TACC2: variants seen among roughly 807,000 people sequenced by gnomAD.
The protein encoded by TACC2 is transforming acidic coiled-coil-containing protein 2.
In TACC2, 137 loss-of-function variants were observed where a neutral mutation model predicts 227.3. That is an observed-to-expected ratio of 0.60 (90% CI 0.52 to 0.69). TACC2 has a LOEUF of 0.69. Ranked by LOEUF, TACC2 falls within the 30% of genes least tolerant of loss-of-function variation. The pLI, the probability that TACC2 is intolerant of heterozygous loss-of-function variation, is 0.00. For missense variants in TACC2, 3,470 were observed against 3,694.4 expected, an observed-to-expected ratio of 0.94 and a Z score of 1.57; for synonymous variants, 1,523 against 1,487.5, an observed-to-expected ratio of 1.02 and a Z score of -0.55.
intron 1 of TACC2, among the ~76,000 whole-genome samples, chr10:121,989,703 T>C (rs1443230310): frequency 1.3e-5 from 2 of 152,214 alleles, no homozygotes; most frequent in African/African-American, 4.8e-5. Context: ...CTTTTGCGTC[T>C]TTCAACTTTG....
intron 3 of TACC2, among the ~76,000 whole-genome samples, chr10:122,077,130 A>G (rs920467439): frequency 6.6e-6 from 1 of 151,774 alleles, no homozygotes; most frequent in Non-Finnish European, 1.5e-5. Flanking sequence ...AAAAAAAAAA[A>G]AAAAGAATGT....
At chr10:122,124,530 G>A (rs933972907) in intron 5 of TACC2, among the ~76,000 whole-genome samples, 5 of 152,144 alleles carry the variant, frequency 3.3e-5, no homozygotes, top group East Asian at 3.8e-4. Flanking sequence ...CTGAGGTTCC[G>A]GGGCCCCTGT....
intron 7 of TACC2, chr10:122,163,977 A>C: frequency 6.3e-7 from 1 of 1,585,748 alleles, no homozygotes; most frequent in Non-Finnish European, 8.6e-7. Flanking sequence ...CTGAACCTGG[A>C]GGCTTCCGAG....
chr10:122,205,460 T>C lies in TACC2; in HGVS notation c.5972-4937T>C, dbSNP rs1463502673. Reference sequence around the variant, plus strand: ...GCACTGATGCCTCACGCCTCTGGGGTAAAAACCCCACAGGAACTTGGAGCT... The same window carrying C: ...GCACTGATGCCTCACGCCTCTGGGGCAAAAACCCCACAGGAACTTGGAGCT... On this transcript the variant is annotated intron_variant, in intron 8 of 22. Transcript: ENST00000369005. This position sits in a 1 kb window ranked among gnomAD's most constrained non-coding sequence, Gnocchi z 4.5. 6.6e-6 allele frequency among the ~76,000 whole-genome samples: 1 copy of C among 152,128 alleles called. No homozygotes were observed. The highest frequency in any genetic ancestry group is 1.5e-5 in the Non-Finnish European group (1 of 68,018).
chr10:122,020,101 T>G (rs1000263945), intron 1 of TACC2, among the ~76,000 whole-genome samples: 5 of 152,202 alleles, frequency 3.3e-5, no homozygotes, highest in African/African-American at 1.2e-4. Context: ...TTATTGTATT[T>G]AATTTGGTTA....
At chr10:122,108,215 T>C (rs1329920910) in intron 5 of TACC2, among the ~76,000 whole-genome samples, 1 of 151,934 alleles carries the variant, frequency 6.6e-6, no homozygotes, top group Non-Finnish European at 1.5e-5. Context: ...TATGCCTTTG[T>C]GTCCACATAG....
intron 1 of TACC2, among the ~76,000 whole-genome samples, chr10:121,991,398 G>C (rs887861770): frequency 6.6e-6 from 1 of 152,298 alleles, no homozygotes; most frequent in African/African-American, 2.4e-5. Context: ...GTGATTTTCA[G>C]CAAGGTTGTG....
chr10:122,003,912 T>G (rs551548523), intron 1 of TACC2, among the ~76,000 whole-genome samples: 104 of 151,930 alleles, frequency 6.8e-4, no homozygotes, highest in Middle Eastern at 3.2e-3. Context: ...TGCCTCAGCC[T>G]CCCAAAGTGC....
In TACC2 at chr10:122,086,217, T is replaced by A; in HGVS notation, c.3717T>A (p.His1239Gln). The A allele has an allele frequency of 6.2e-7, 1 of 1,613,856 alleles. No individual in the cohort carries two copies. Among genetic ancestry groups the A allele is most frequent in the Non-Finnish European group, 8.5e-7 (1 of 1,180,026 alleles). ...EVAAPDTPYL[H>Q]VDSAAQRGAE... ...CTGCTCCTGACACCCCTTACCTGCA[T>A]GTCGACAGTGCTGCCCAGAGAGGAG... is the stretch of plus-strand genomic sequence containing the variant. The change falls in exon 4 of 23, where the codon CAT becomes CAA. Residue 1239 changes from histidine (H) to glutamine (Q), a missense_variant. This residue lies in a region of TACC2 where 1,924 missense variants were observed against 1,978.3 expected (regional missense o/e 0.97). Coordinates refer to ENST00000369005, the MANE Select transcript of TACC2 (RefSeq NM_206862.4).
intron 7 of TACC2, among the ~76,000 whole-genome samples, chr10:122,165,842 A>G (rs926779490): frequency 6.6e-6 from 1 of 152,172 alleles, no homozygotes; most frequent in African/African-American, 2.4e-5. Flanking sequence ...GGCCAGTGCC[A>G]TTGCTAGCAT....
At chr10:121,993,508 T>C (rs934696696) in intron 1 of TACC2, among the ~76,000 whole-genome samples, 1 of 152,210 alleles carries the variant, frequency 6.6e-6, no homozygotes, top group East Asian at 1.9e-4. Context: ...AAAGAATTAT[T>C]TATATATTAT....
intron 16 of TACC2, among the ~76,000 whole-genome samples, chr10:122,230,956 G>T (rs2095731394): frequency 6.6e-6 from 1 of 152,184 alleles, no homozygotes; most frequent in South Asian, 2.1e-4. Context: ...TCTAGACCAG[G>T]CTTAAGCAAT....
At chr10:122,024,103 C>T (rs1483043259) in intron 2 of TACC2, among the ~76,000 whole-genome samples, 1 of 152,182 alleles carries the variant, frequency 6.6e-6, no homozygotes, top group Non-Finnish European at 1.5e-5. Flanking sequence ...TACGGCGGCT[C>T]ATACCTCTAA....
intron 6 of TACC2, 70 bp downstream of exon 6, chr10:122,132,804 C>A (rs1274198953): frequency 8.2e-6 from 12 of 1,461,416 alleles, no homozygotes; most frequent in Non-Finnish European, 1.0e-5. Context: ...TTCCCCCGCT[C>A]CCCTCCCTTC....
At chr10:122,057,794 C>T (rs1029439470) in intron 3 of TACC2, among the ~76,000 whole-genome samples, 8 of 152,074 alleles carry the variant, frequency 5.3e-5, no homozygotes, top group Admixed American at 3.3e-4. Context: ...CCATTGCACT[C>T]CAGCCTGGAC....
intron 1 of TACC2, among the ~76,000 whole-genome samples, chr10:122,014,530 C>T (rs1956333380): frequency 6.6e-6 from 1 of 152,096 alleles, no homozygotes; most frequent in South Asian, 2.1e-4. Context: ...GTGATCTTGT[C>T]TCCGATTCCT....
Position 122,180,877 on chromosome 10 carries a change from G to T in TACC2, c.5835-14163G>T, listed in dbSNP as rs942382035. 1.6e-4 allele frequency among the ~76,000 whole-genome samples: 24 copies of T among 152,042 alleles called. No homozygotes were observed. Among genetic ancestry groups the T allele is most frequent in the African/African-American group, 5.8e-4 (24 of 41,390 alleles). On this transcript the variant is annotated intron_variant, in intron 7 of 22. Coordinates refer to ENST00000369005, the MANE Select transcript of TACC2 (RefSeq NM_206862.4). This position sits in a 1 kb window ranked among gnomAD's most constrained non-coding sequence, Gnocchi z 4.5. The stretch of plus-strand genomic sequence containing the variant: ...TGCCTCAGCCTCTCCTGCCTCAGCT[G>T]GGATTACAGGCACGCGCCCCCATGT...
intron 5 of TACC2, among the ~76,000 whole-genome samples, chr10:122,103,586 A>C (rs2082409033): frequency 6.6e-6 from 1 of 152,212 alleles, no homozygotes; most frequent in Non-Finnish European, 1.5e-5. Flanking sequence ...GCAAGTTGGC[A>C]TGTGGATGGC....
In TACC2 at chr10:122,209,599, T is replaced by C. The variant is rs546876804; in HGVS notation, c.5972-798T>C. The stretch of plus-strand genomic sequence containing the variant: ...GCTTAGATGTCTCCTCAGAAGATCT[T>C]GCCTGACTACCTTATTTTAAAAGTG... On this transcript the variant is annotated intron_variant, in intron 8 of 22. Transcript: ENST00000369005. This position sits in a 1 kb window ranked among gnomAD's most constrained non-coding sequence, Gnocchi z 4.5. Among the ~76,000 whole-genome samples the C allele has an allele frequency of 6.6e-6, 1 of 152,346 alleles. No homozygotes were observed. Among genetic ancestry groups the C allele is most frequent in the Admixed American group, 6.5e-5 (1 of 15,306 alleles).
Sources: gnomAD v4.1 joint callset for allele counts (sites outside exome capture counted in the v4.1 genomes callset) on GRCh38, gnomAD v4.1.1 for gene constraint, gnomAD v4.1.1 regional missense constraint, Gnocchi (gnomAD v3.1) non-coding constraint, MANE v1.5 for transcripts, NCBI Gene and HGNC (gene_info 2026-07-23, HGNC 2026-07-21) for gene names.